The following HCRTR2 variants were observed in gnomAD, a reference collection of about 807,000 sequenced individuals.
HCRTR2 encodes the protein orexin receptor type 2.
In HCRTR2, 22 loss-of-function variants were observed where a neutral mutation model predicts 49.0. The ratio of observed to expected loss-of-function variants is 0.45; its 90% CI spans 0.32 to 0.64. The LOEUF is 0.64. Among genes scored for constraint, HCRTR2 ranks in the 30% least tolerant of loss-of-function variants. The pLI is 0.04. For synonymous variants in HCRTR2, 236 were observed against 205.3 expected (o/e 1.15, Z -1.28); for missense variants, 491 against 559.4 (o/e 0.88, Z 1.23).
chr6:55,164,417 A>G (rs905389603), intron 1 of HCRTR2, among the ~76,000 whole-genome samples: 8 of 152,246 alleles, frequency 5.3e-5, no homozygotes, highest in African/African-American at 1.9e-4. Flanking sequence ...AATGTGGCAC[A>G]TATACACCAT....
chr6:55,264,587 A>G (rs1766828715), intron 4 of HCRTR2, among the ~76,000 whole-genome samples: 1 of 152,138 alleles, frequency 6.6e-6, no homozygotes, highest in Admixed American at 6.6e-5. Flanking sequence ...AGCAAAATGT[A>G]CTAAAACCAT....
chr6:55,149,268 C>G (rs1764633336), intron 1 of HCRTR2, among the ~76,000 whole-genome samples: 1 of 152,016 alleles, frequency 6.6e-6, no homozygotes, highest in Non-Finnish European at 1.5e-5. Context: ...TTGCTCATAA[C>G]TGTTACTGTA....
At chr6:55,126,230 C>T (rs1764274397) in intron 1 of HCRTR2, among the ~76,000 whole-genome samples, 1 of 152,140 alleles carries the variant, frequency 6.6e-6, no homozygotes. Context: ...CTTTTTTGCA[C>T]TGGTTTCTCC....
At chr6:55,162,074 C>T (rs531603581) in intron 1 of HCRTR2, among the ~76,000 whole-genome samples, 15 of 152,106 alleles carry the variant, frequency 9.9e-5, no homozygotes, top group African/African-American at 2.4e-4. Flanking sequence ...TTAACACCGA[C>T]GCAAAAATCC....
chr6:55,239,431 G>A (rs755201155), intron 1 of HCRTR2, among the ~76,000 whole-genome samples: 2 of 152,132 alleles, frequency 1.3e-5, no homozygotes, highest in Non-Finnish European at 2.9e-5. Context: ...TTATGGATTT[G>A]ATTTCTGTAG....
intron 1 of HCRTR2, among the ~76,000 whole-genome samples, chr6:55,220,610 T>C (rs1043621823): frequency 2.0e-5 from 3 of 152,138 alleles, no homozygotes; most frequent in African/African-American, 7.2e-5. Flanking sequence ...TCATACTCAA[T>C]GGTAAAAACT....
intron 1 of HCRTR2, among the ~76,000 whole-genome samples, chr6:55,239,668 T>C (rs1766283638): frequency 6.6e-6 from 1 of 152,096 alleles, no homozygotes; most frequent in African/African-American, 2.4e-5. Flanking sequence ...CAAGTGGCAA[T>C]GAGAAAATAT....
downstream of HCRTR2, among the ~76,000 whole-genome samples, chr6:55,283,784 A>G (rs1767238438): frequency 6.6e-6 from 1 of 152,190 alleles, no homozygotes; most frequent in Non-Finnish European, 1.5e-5. Flanking sequence ...TTCATAGAAA[A>G]TTAATTTTTG....
intron 1 of HCRTR2, among the ~76,000 whole-genome samples, chr6:55,158,302 A>T (rs962982143): frequency 3.3e-5 from 5 of 152,204 alleles, no homozygotes; most frequent in Non-Finnish European, 7.3e-5. Context: ...CATGTTCTTC[A>T]CAACCCTCAG....
At chr6:55,210,145 T>C (rs1354787742) in intron 1 of HCRTR2, among the ~76,000 whole-genome samples, 1 of 152,156 alleles carries the variant, frequency 6.6e-6, no homozygotes, top group Non-Finnish European at 1.5e-5. Context: ...ATGGTAATAA[T>C]AAAAGTCATA....
intron 1 of HCRTR2, among the ~76,000 whole-genome samples, chr6:55,151,114 G>T (rs993410010): frequency 6.6e-6 from 1 of 152,018 alleles, no homozygotes; most frequent in Non-Finnish European, 1.5e-5. Context: ...ACTGGGTCTT[G>T]CCTCAATGTT....
At chr6:55,254,869 G>A (rs1299579724) in intron 2 of HCRTR2, among the ~76,000 whole-genome samples, 1 of 151,142 alleles carries the variant, frequency 6.6e-6, no homozygotes, top group South Asian at 2.1e-4. Flanking sequence ...TATAAATTAA[G>A]ACATTTGGAG....
rs1028819396 is a variant in HCRTR2, at chr6:55,192,817, T to G, written c.223+18007T>G. 2.6e-5 allele frequency among the ~76,000 whole-genome samples: 4 copies of G among 152,236 alleles called. No individual in the cohort carries two copies. In the South Asian group the frequency reaches 8.3e-4, roughly 32 times the overall value. ...TATATCCTGTAGTTGTTGCCCATTT[T>G]TCTGCTAAATGTTATCTTTAGCACT... On this transcript the variant is annotated intron_variant, in intron 1 of 6. Coordinates refer to ENST00000370862, the MANE Select transcript of HCRTR2 (RefSeq NM_001384272.1).
intron 2 of HCRTR2, among the ~76,000 whole-genome samples, chr6:55,250,186 G>A (rs1481403906): frequency 6.6e-6 from 1 of 152,014 alleles, no homozygotes. Context: ...AAGCTAGTTT[G>A]GATCAGCCTG....
chr6:55,178,471 T>A (rs1414906891), intron 1 of HCRTR2, among the ~76,000 whole-genome samples: 1 of 152,220 alleles, frequency 6.6e-6, no homozygotes, highest in Non-Finnish European at 1.5e-5. Context: ...GGATATAATG[T>A]ACGTATACCC....
upstream of HCRTR2, among the ~76,000 whole-genome samples, chr6:55,171,102 T>G (rs936755903): frequency 1.3e-5 from 2 of 152,142 alleles, no homozygotes; most frequent in Admixed American, 6.5e-5. Context: ...TACCCAGTAA[T>G]GGGATGGCTG....
chr6:55,145,213 G>A (rs1244885259), intron 1 of HCRTR2, among the ~76,000 whole-genome samples: 1 of 152,216 alleles, frequency 6.6e-6, no homozygotes, highest in East Asian at 1.9e-4. Context: ...AATGGTCTTA[G>A]TTTTCTTTTC....
chr6:55,132,206 T>G (rs1262569821), intron 1 of HCRTR2, among the ~76,000 whole-genome samples: 4 of 151,910 alleles, frequency 2.6e-5, no homozygotes, highest in Non-Finnish European at 5.9e-5. Context: ...GATTTGTTAA[T>G]TTAATAACAA....
Position 55,137,373 on chromosome 6 carries a change from A to G in HCRTR2, c.-378+30828A>G, listed in dbSNP as rs1764447474. Reference sequence around the variant, plus strand: ...TGCTCTGAGATTACGGACAATTCTTATTTAGGGACTGGTCTTTTAGGTGCA... The same window carrying G: ...TGCTCTGAGATTACGGACAATTCTTGTTTAGGGACTGGTCTTTTAGGTGCA... On this transcript the variant is annotated intron_variant, in intron 1 of 7. Transcript: ENST00000615358. Among the ~76,000 whole-genome samples the G allele has an allele frequency of 2.0e-5, 3 of 152,306 alleles. No individual in the cohort carries two copies. The South Asian group carries it at 6.2e-4, about 32-fold the overall frequency.
Sources: gnomAD v4.1 joint callset for allele counts (sites outside exome capture counted in the v4.1 genomes callset) on GRCh38, gnomAD v4.1.1 for gene constraint, MANE v1.5 for transcripts, NCBI Gene and HGNC (gene_info 2026-07-23, HGNC 2026-07-21) for gene names.